The following XIRP2 variants were observed in gnomAD, a reference collection of about 807,000 sequenced individuals.
XIRP2 encodes xin actin binding repeat containing 2.
In XIRP2, 236 loss-of-function variants were observed where a neutral mutation model predicts 277.0. The ratio of observed to expected loss-of-function variants is 0.85; its 90% confidence interval spans 0.77 to 0.95. XIRP2 has a LOEUF of 0.95. Ranked by LOEUF, XIRP2 falls within the 40% of genes least tolerant of loss-of-function variation. The pLI, the probability that XIRP2 is intolerant of heterozygous loss-of-function variation, is 0.00. For missense variants in XIRP2, 4,640 were observed against 4,157.5 expected (o/e 1.12, Z -3.19); for synonymous variants, 1,490 against 1,416.5 (o/e 1.05, Z -1.17).
chr2:167,075,510 A>G (rs1026103741), intron 2 of XIRP2, among the ~76,000 whole-genome samples: 1 of 152,162 alleles, frequency 6.6e-6, no homozygotes, highest in Non-Finnish European at 1.5e-5. Context: ...AGCAATAGCC[A>G]ATTTTATTAG....
chr2:167,004,165 G>A (rs1275689868), intron 2 of XIRP2, among the ~76,000 whole-genome samples: 1 of 151,828 alleles, frequency 6.6e-6, no homozygotes, highest in Non-Finnish European at 1.5e-5. Flanking sequence ...AATATTATCA[G>A]CAATATAAGA....
intron 3 of XIRP2, among the ~76,000 whole-genome samples, chr2:167,151,641 C>G (rs1692019114): frequency 6.6e-6 from 1 of 152,134 alleles, no homozygotes; most frequent in African/African-American, 2.4e-5. Flanking sequence ...AAATCATCCT[C>G]TTAGTATGAT....
At chr2:167,060,597 A>C (rs1689152627) in intron 2 of XIRP2, among the ~76,000 whole-genome samples, 1 of 152,142 alleles carries the variant, frequency 6.6e-6, no homozygotes, top group African/African-American at 2.4e-5. Context: ...TCATTTATTG[A>C]AATTTCCCAA....
chr2:167,246,949 A>G lies in XIRP2; in HGVS notation c.5557A>G (p.Asn1853Asp). The stretch of plus-strand genomic sequence containing the variant: ...CCTAAATTCCCTCAGCCAGGCTGTA[A>G]ATCAGAAAACAGTGACGAAAACAGA... ...STLNSLSQAV[N>D]QKTVTKTEEI... is the part of the protein sequence containing the mutation. Residue 1853 changes from asparagine to aspartate, a missense_variant, in exon 9 of 11, where the codon AAT (asparagine) becomes GAT (aspartate). Coordinates refer to ENST00000409195, the MANE Select transcript of XIRP2 (RefSeq NM_152381.6). 6.2e-7 allele frequency: 1 copy of G among 1,613,562 alleles called. No homozygotes were observed.
intron 2 of XIRP2, among the ~76,000 whole-genome samples, chr2:166,969,988 A>C (rs1686536115): frequency 6.6e-6 from 1 of 152,098 alleles, no homozygotes; most frequent in Middle Eastern, 3.4e-3. Context: ...CATTCGGATC[A>C]TTTTTGCTTT....
chr2:167,069,808 C>T (rs1689395455), intron 2 of XIRP2, among the ~76,000 whole-genome samples: 1 of 152,130 alleles, frequency 6.6e-6, no homozygotes, highest in Admixed American at 6.6e-5. Flanking sequence ...AGCCTTTCTA[C>T]TTTTATTTTT....
At chr2:167,021,321 CA>C (rs1687974766) in intron 2 of XIRP2, among the ~76,000 whole-genome samples, 1 of 152,028 alleles carries the variant, frequency 6.6e-6, no homozygotes, top group Admixed American at 6.6e-5. Flanking sequence ...CTTCTACAAA[CA>C]AATATAATTT....
chr2:166,943,328 A>T (rs377441564), intron 2 of XIRP2, among the ~76,000 whole-genome samples: 1 of 152,222 alleles, frequency 6.6e-6, no homozygotes, highest in African/African-American at 2.4e-5. Flanking sequence ...TAGCCAAAGC[A>T]TTGAAAGGTG....
At chr2:166,988,703 C>G (rs1459805472) in intron 2 of XIRP2, among the ~76,000 whole-genome samples, 1 of 95,970 alleles carries the variant, frequency 1.0e-5, no homozygotes, top group African/African-American at 4.4e-5. Flanking sequence ...AAAGGGGTGA[C>G]GGACGCACCT....
chr2:167,184,235 T>G (rs1179601196), intron 3 of XIRP2, among the ~76,000 whole-genome samples: 1 of 152,242 alleles, frequency 6.6e-6, no homozygotes, highest in Non-Finnish European at 1.5e-5. Flanking sequence ...TCAAGCCATT[T>G]CTAAAGACAA....
At chr2:167,229,604 G>T (rs1694697404) in intron 5 of XIRP2, among the ~76,000 whole-genome samples, 1 of 151,770 alleles carries the variant, frequency 6.6e-6, no homozygotes, top group Admixed American at 6.6e-5. Flanking sequence ...GCTTCTTCTG[G>T]GTCTGTATTT....
chr2:167,022,566 A>G (rs1376560087), intron 2 of XIRP2, among the ~76,000 whole-genome samples: 1 of 152,082 alleles, frequency 6.6e-6, no homozygotes, highest in African/African-American at 2.4e-5. Context: ...GTCATTTAGC[A>G]TTAGGTATAT....
At chr2:167,014,168 C>T (rs1290897493) in intron 2 of XIRP2, among the ~76,000 whole-genome samples, 1 of 151,490 alleles carries the variant, frequency 6.6e-6, no homozygotes, top group African/African-American at 2.4e-5. Context: ...TCAGACTTCC[C>T]ATCTAAGGAA....
At chr2:166,971,386 T>G (rs1392839926) in intron 2 of XIRP2, among the ~76,000 whole-genome samples, 3 of 151,952 alleles carry the variant, frequency 2.0e-5, no homozygotes, top group Non-Finnish European at 4.4e-5. Context: ...GAAAAAAAAG[T>G]ATGAAAATTT....
chr2:167,086,491 C>T lies in XIRP2; in HGVS notation c.409-49418C>T, dbSNP rs553666487. 1.8e-3 allele frequency among the ~76,000 whole-genome samples: 277 copies of T among 151,606 alleles called. 1 individual carries two copies. Among genetic ancestry groups the T allele is most frequent in the African/African-American group, 6.4e-3 (264 of 41,456 alleles). On this transcript the variant is annotated intron_variant, in intron 2 of 10. Transcript: ENST00000409195. ...TTTCCTGAATCTGAACGTTGGCCTGCCTTGCTAGATTGGGGAAGTTCTCCT... is the reference window on the plus strand; with the variant it reads ...TTTCCTGAATCTGAACGTTGGCCTGTCTTGCTAGATTGGGGAAGTTCTCCT...
Position 167,210,636 on chromosome 2 carries a change from C to T in XIRP2, c.563-99C>T, listed in dbSNP as rs16853225. ...TTGTGAAATGCTACAGTCCATTTTA[C>T]GAGATCAAGTATTTTAAATGCTTCA... On this transcript the variant is annotated intron_variant, in intron 3 of 10. Transcript: ENST00000409195. The T allele has an allele frequency of 7.5e-4, 1,086 of 1,439,688 alleles. 16 individuals carry two copies. The East Asian group carries it at 0.019, about 26-fold the overall frequency. The allele number at this position is 1,439,688 out of a possible 1,614,324, so 89.2% of individuals were successfully genotyped here.
chr2:167,125,204 A>T (rs368939399), intron 2 of XIRP2, among the ~76,000 whole-genome samples: 2 of 152,262 alleles, frequency 1.3e-5, no homozygotes, highest in African/African-American at 4.8e-5. Context: ...CCTGGATACT[A>T]TGTCAATATA....
In XIRP2 at chr2:167,148,347, A is replaced by C. The variant is rs1275985068; in HGVS notation, c.562+12285A>C. ...CAGTGAGCCGAGATCGCACCATTGC[A>C]CTCCAGTGTGGGTGACAAAAGTGGA... is the stretch of plus-strand genomic sequence containing the variant. On this transcript the variant is annotated intron_variant, in intron 3 of 10. Coordinates refer to ENST00000409195, the MANE Select transcript of XIRP2 (RefSeq NM_152381.6). Among the ~76,000 whole-genome samples, 3 of 149,718 alleles carry C rather than the reference A, an allele frequency of 2.0e-5. No homozygotes were observed. In the East Asian group the frequency reaches 5.9e-4, roughly 29 times the overall value.
intron 2 of XIRP2, among the ~76,000 whole-genome samples, chr2:166,984,769 T>C (rs1421816127): frequency 3.9e-5 from 6 of 152,208 alleles, no homozygotes; most frequent in Non-Finnish European, 8.8e-5. Context: ...TAAAATTGTT[T>C]CATGAAATAT....
Sources: gnomAD v4.1 joint callset for allele counts (sites outside exome capture counted in the v4.1 genomes callset) on GRCh38, gnomAD v4.1.1 for gene constraint, MANE v1.5 for transcripts, NCBI Gene and HGNC (gene_info 2026-07-23, HGNC 2026-07-21) for gene names.